The following FAR1 variants were observed in gnomAD, a reference collection of about 807,000 sequenced individuals.
FAR1 encodes the protein fatty acyl-CoA reductase 1.
FAR1 carries 22 observed loss-of-function variants against 61.1 expected under a neutral mutation model. The observed-to-expected ratio is 0.36, with a 90% CI of 0.26 to 0.51. The LOEUF (loss-of-function observed/expected upper bound fraction) is 0.51. FAR1 is among the 20% of genes least tolerant of loss of function. The pLI is 0.95. For synonymous variants in FAR1, 206 were observed against 209.7 expected (o/e 0.98, Z 0.15); for missense variants, 359 against 626.9 (o/e 0.57, Z 4.56).
At chr11:13,681,403 G>A (rs1413437624) in intron 1 of FAR1, among the ~76,000 whole-genome samples, 2 of 152,154 alleles carry the variant, frequency 1.3e-5, no homozygotes, top group African/African-American at 4.8e-5. Flanking sequence ...ATTTTCCATC[G>A]CACATGTGTG....
chr11:13,726,662 G>A (rs7944064), intron 10 of FAR1, among the ~76,000 whole-genome samples: 1 of 151,388 alleles, frequency 6.6e-6, no homozygotes, highest in East Asian at 1.9e-4. Flanking sequence ...GTTTTGAATT[G>A]GTGACTTGGT....
chr11:13,708,447 G>GCGCGCGCGCGCGCA (rs139902063), intron 4 of FAR1, among the ~76,000 whole-genome samples: 1 of 136,700 alleles, frequency 7.3e-6, no homozygotes, highest in African/African-American at 2.8e-5. Flanking sequence ...GCGCGCGCGC[G>GCGCGCGCGCGCGCA]CACACACACA....
At chr11:13,726,599 T>C (rs960874984) in intron 10 of FAR1, among the ~76,000 whole-genome samples, 1 of 151,722 alleles carries the variant, frequency 6.6e-6, no homozygotes, top group African/African-American at 2.4e-5. Context: ...CTGACTCTCA[T>C]ATGCCTAGAT....
At chr11:13,679,630 A>G (rs1848103735) in intron 1 of FAR1, among the ~76,000 whole-genome samples, 1 of 152,206 alleles carries the variant, frequency 6.6e-6, no homozygotes. Context: ...AGGAAAATGT[A>G]TATTATTGAA....
intron 2 of FAR1, among the ~76,000 whole-genome samples, chr11:13,699,005 GC>G (rs1473276883): frequency 6.6e-6 from 1 of 152,024 alleles, no homozygotes; most frequent in East Asian, 1.9e-4. Flanking sequence ...AATTTCCCAA[GC>G]ATATTAATGC....
At chr11:13,700,558 C>G in intron 3 of FAR1, 66 bp downstream of exon 3, 1 of 1,045,464 alleles carries the variant, frequency 9.6e-7, no homozygotes, top group South Asian at 2.4e-5. Flanking sequence ...CATTTTAATT[C>G]TACTTTTTAG....
At chr11:13,708,445 GCGCACACACACACACA>G (rs1848460850) in intron 4 of FAR1, among the ~76,000 whole-genome samples, 1 of 81,194 alleles carries the variant, frequency 1.2e-5, no homozygotes, top group African/African-American at 4.3e-5. Flanking sequence ...GCGCGCGCGC[GCGCACACACACACACA>G]CACACACACA....
Position 13,712,952 on chromosome 11 carries a change from C to CT in FAR1, c.888-11dup. On this transcript the variant is annotated splice_polypyrimidine_tract_variant and intron_variant, in intron 7 of 11. Transcript: ENST00000354817. The stretch of plus-strand genomic sequence containing the variant: ...TCTTATTATGATTAATTGGTTTCAT[C>CT]TTTGTCTTTGCAGACCAAGAAACAT... The CT allele has an allele frequency of 6.2e-7, 1 of 1,610,554 alleles. No homozygotes were observed. Among genetic ancestry groups the CT allele is most frequent in the South Asian group, 1.1e-5 (1 of 90,838 alleles).
At chr11:13,713,140 C>T (rs1051993371) in intron 8 of FAR1, 107 bp downstream of exon 8, 7 of 909,628 alleles carry the variant, frequency 7.7e-6, no homozygotes, top group Non-Finnish European at 1.3e-5. Context: ...CACTGAGTTA[C>T]CAATTTGTTC....
In FAR1 at chr11:13,731,959, C is replaced by CCTTCTGAGCATGCT. The variant is rs1425964411; in HGVS notation, c.*3191_*3204dup. 6.6e-6 allele frequency: 1 copy of CCTTCTGAGCATGCT among 152,020 alleles called. No homozygotes were observed. The highest frequency in any genetic ancestry group is 6.6e-5 in the Admixed American group (1 of 15,246). The allele number at this position is 152,020 out of a possible 1,614,324, so 9.4% of individuals were successfully genotyped here. ...GCTGGGGTCAGGTAAGTGTAAATGG[C>CCTTCTGAGCATGCT]CTTCTGAGCATGCTCTTCTAGGCTG... On this transcript the variant is annotated 3_prime_UTR_variant, in exon 12 of 12. Transcript: ENST00000354817.
At chr11:13,692,029 G>A (rs113319334) in intron 1 of FAR1, among the ~76,000 whole-genome samples, 3,898 of 152,118 alleles carry the variant, frequency 0.026, 74 homozygotes, top group Non-Finnish European at 0.034. Context: ...TTAGCTGGGC[G>A]TGGTGGCGGG....
chr11:13,686,756 T>C (rs969818930), intron 1 of FAR1: 2 of 152,246 alleles, frequency 1.3e-5, no homozygotes, highest in Non-Finnish European at 2.9e-5. Flanking sequence ...TGAGAGGATC[T>C]TGTCTTTAAT....
At chr11:13,679,568 A>G (rs148965600) in intron 1 of FAR1, among the ~76,000 whole-genome samples, 153 of 152,310 alleles carry the variant, frequency 1.0e-3, no homozygotes, top group African/African-American at 3.6e-3. Flanking sequence ...TAGGCTTTAT[A>G]GTAGAGAAGT....
chr11:13,707,490 T>G (rs891662507), intron 3 of FAR1, among the ~76,000 whole-genome samples: 3 of 152,306 alleles, frequency 2.0e-5, no homozygotes, highest in Non-Finnish European at 4.4e-5. Context: ...ACGTTAACAT[T>G]TTAAAATTAC....
At chr11:13,687,765 A>G (rs1447887558) in intron 1 of FAR1, among the ~76,000 whole-genome samples, 3 of 152,080 alleles carry the variant, frequency 2.0e-5, no homozygotes, top group Non-Finnish European at 4.4e-5. Context: ...ATGGAATACT[A>G]TGCAGCCATA....
intron 1 of FAR1, among the ~76,000 whole-genome samples, chr11:13,691,185 G>A (rs1848246034): frequency 1.3e-5 from 2 of 152,136 alleles, no homozygotes; most frequent in Admixed American, 6.5e-5. Context: ...AACCCTCTAT[G>A]GGAAAGGAAT....
At chr11:13,719,748 A>G (rs914949596) in intron 9 of FAR1, among the ~76,000 whole-genome samples, 4 of 152,176 alleles carry the variant, frequency 2.6e-5, no homozygotes, top group Non-Finnish European at 2.9e-5. Context: ...CCTAGAGGCC[A>G]GGGATGGTGA....
intron 1 of FAR1, among the ~76,000 whole-genome samples, chr11:13,672,357 C>T (rs1848014943): frequency 6.7e-6 from 1 of 150,020 alleles, no homozygotes; most frequent in Non-Finnish European, 1.5e-5. Flanking sequence ...CAAGAGCAGC[C>T]TGGGCAACAT....
At chr11:13,707,222 T>C (rs1213969297) in intron 3 of FAR1, among the ~76,000 whole-genome samples, 1 of 152,174 alleles carries the variant, frequency 6.6e-6, no homozygotes, top group Admixed American at 6.5e-5. Flanking sequence ...ATATATACTT[T>C]TGCTTTTGTG....
Sources: allele counts gnomAD v4.1 joint callset (sites outside exome capture counted in the v4.1 genomes callset), GRCh38; gene constraint gnomAD v4.1.1; transcripts MANE v1.5; gene names NCBI Gene and HGNC (gene_info 2026-07-23, HGNC 2026-07-21).